MSI2: variants seen among roughly 807,000 people sequenced by gnomAD.
MSI2 encodes RNA-binding protein Musashi homolog 2.
In MSI2, 17 loss-of-function variants were observed where a neutral mutation model predicts 45.6. The ratio of observed to expected loss-of-function variants is 0.37; its 90% CI spans 0.26 to 0.56. MSI2 has a LOEUF of 0.56. MSI2 is among the 20% of genes least tolerant of loss of function. The pLI is 0.77. For synonymous variants in MSI2, 156 were observed against 158.2 expected (o/e 0.99, Z 0.11); for missense variants, 293 against 444.2 (o/e 0.66, Z 3.06).
At chr17:57,644,793 C>G (rs1454137667) in intron 10 of MSI2, among the ~76,000 whole-genome samples, 1 of 152,046 alleles carries the variant, frequency 6.6e-6, no homozygotes, top group Non-Finnish European at 1.5e-5. Context: ...ATGCATATTA[C>G]AAAAGAGTCT....
At chr17:57,348,611 G>A (rs1038576752) in intron 5 of MSI2, among the ~76,000 whole-genome samples, 1 of 151,886 alleles carries the variant, frequency 6.6e-6, no homozygotes, top group Non-Finnish European at 1.5e-5. Flanking sequence ...TGATACATTG[G>A]CTCCCCTTCC....
chr17:57,699,382 G>T, the MSI2 span, among the ~76,000 whole-genome samples: 1 of 151,172 alleles, frequency 6.6e-6, no homozygotes, highest in Non-Finnish European at 1.5e-5. Flanking sequence ...AATCAGAATT[G>T]CATTGGTAAG....
chr17:57,679,913 G>A lies in MSI2; in HGVS notation c.*396G>A, dbSNP rs1348459089. On this transcript the variant is annotated 3_prime_UTR_variant, in exon 14 of 14. Transcript: ENST00000284073. The stretch of plus-strand genomic sequence containing the variant: ...AATATCTAGTTCAAAGCTAACCATA[G>A]TATAATTGTTATATTAAGGAGTTAT... 1 of 229,110 alleles carries A rather than the reference G, an allele frequency of 4.4e-6. No homozygotes were observed. The highest frequency in any genetic ancestry group is 8.6e-6 in the Non-Finnish European group (1 of 115,828). The allele number at this position is 229,110 out of a possible 1,614,324, so 14.2% of individuals were successfully genotyped here.
intron 9 of MSI2, among the ~76,000 whole-genome samples, chr17:57,620,113 G>A (rs1908150452): frequency 2.0e-5 from 3 of 152,214 alleles, no homozygotes; most frequent in Admixed American, 2.0e-4. Flanking sequence ...CAGGGCTCCA[G>A]CAAGGGAGGC....
At chr17:57,446,531 C>T (rs970149290) in intron 6 of MSI2, among the ~76,000 whole-genome samples, 15 of 152,198 alleles carry the variant, frequency 9.9e-5, no homozygotes, top group Admixed American at 8.5e-4. Context: ...GTGCCAAGCA[C>T]GTAGAATAGG....
At chr17:57,569,529 A>G (rs918211339) in intron 7 of MSI2, among the ~76,000 whole-genome samples, 2 of 152,220 alleles carry the variant, frequency 1.3e-5, no homozygotes, top group Non-Finnish European at 2.9e-5. Context: ...GAGGCTCCAA[A>G]ACAGGGCACC....
chr17:57,410,809 G>C (rs748965973), intron 6 of MSI2, among the ~76,000 whole-genome samples: 5 of 152,084 alleles, frequency 3.3e-5, no homozygotes, highest in Non-Finnish European at 7.4e-5. Flanking sequence ...ACAATTTAAG[G>C]TGTTTTTCAC....
intron 5 of MSI2, among the ~76,000 whole-genome samples, chr17:57,295,992 CTTTTTTTTTTTTTTTTTTT>C (rs386386327): frequency 1.0e-4 from 4 of 38,624 alleles, no homozygotes; most frequent in Non-Finnish European, 1.6e-4. Context: ...CGCAGCCTTC[CTTTTTTTTTTTTTTTTTTT>C]TTTTTTTTTT....
Position 57,627,563 on chromosome 17 carries a change from C to T in MSI2, c.727+260C>T. The stretch of plus-strand genomic sequence containing the variant: ...GGAAAGCAGAACGGAGGCAGGAGGC[C>T]TCCCTGTGCTCACCTCCTTTTTCTG... On this transcript the variant is annotated intron_variant, in intron 10 of 13. Coordinates refer to ENST00000284073, the MANE Select transcript of MSI2 (RefSeq NM_138962.4). This position sits in a 1 kb window ranked among gnomAD's most constrained non-coding sequence, Gnocchi z 4.6. 9.4e-6 allele frequency: 5 copies of T among 533,882 alleles called. No homozygotes were observed. In the South Asian group the frequency reaches 1.2e-4, roughly 13 times the overall value. The allele number at this position is 533,882 out of a possible 1,614,324, so 33.1% of individuals were successfully genotyped here.
intron 7 of MSI2, among the ~76,000 whole-genome samples, chr17:57,567,715 C>T (rs1022267932): frequency 1.3e-5 from 2 of 152,178 alleles, no homozygotes; most frequent in Non-Finnish European, 2.9e-5. Flanking sequence ...CGGGGGTCTT[C>T]CTGGTGGATG....
At chr17:57,293,247 G>T (rs374648776) in intron 5 of MSI2, among the ~76,000 whole-genome samples, 4 of 152,140 alleles carry the variant, frequency 2.6e-5, no homozygotes, top group African/African-American at 9.7e-5. Flanking sequence ...GAGACTCAGG[G>T]CCCTACTGTT....
In MSI2 at chr17:57,377,209, C is replaced by T. The variant is rs527828250; in HGVS notation, c.313-24170C>T. Among the ~76,000 whole-genome samples the T allele has an allele frequency of 4.6e-5, 7 of 152,274 alleles. No individual in the cohort carries two copies. The South Asian group carries it at 1.2e-3, about 27-fold the overall frequency. On this transcript the variant is annotated intron_variant, in intron 5 of 13. Coordinates refer to ENST00000284073, the MANE Select transcript of MSI2 (RefSeq NM_138962.4). Reference sequence around the variant, plus strand: ...TGCTGGGACCACAGGCGTGAGCCACCGTGCCCGGCCCACAAATACTTTTTT... The same window carrying T: ...TGCTGGGACCACAGGCGTGAGCCACTGTGCCCGGCCCACAAATACTTTTTT...
intron 6 of MSI2, chr17:57,449,887 G>A (rs1324195058): frequency 6.6e-6 from 1 of 152,118 alleles, no homozygotes; most frequent in Non-Finnish European, 1.5e-5. Context: ...TTAGCTGGGT[G>A]TGGTGGCACG....
intron 7 of MSI2, among the ~76,000 whole-genome samples, chr17:57,578,307 G>A (rs1487084627): frequency 6.6e-6 from 1 of 152,206 alleles, no homozygotes; most frequent in Non-Finnish European, 1.5e-5. Context: ...GTTAGGGGAC[G>A]TATGAAATGG....
At chr17:57,450,672 A>C (rs2085001235) in intron 6 of MSI2, among the ~76,000 whole-genome samples, 1 of 50,860 alleles carries the variant, frequency 2.0e-5, no homozygotes. Context: ...CTGCATCTCA[A>C]AAAAAAAAAA....
At chr17:57,414,001 G>C (rs990383603) in intron 6 of MSI2, among the ~76,000 whole-genome samples, 7 of 151,998 alleles carry the variant, frequency 4.6e-5, no homozygotes, top group African/African-American at 1.7e-4. Context: ...GAGTGGAACA[G>C]ACAAGATCCT....
intron 8 of MSI2, among the ~76,000 whole-genome samples, chr17:57,609,700 G>A (rs1907037207): frequency 6.6e-6 from 1 of 152,234 alleles, no homozygotes; most frequent in Non-Finnish European, 1.5e-5. Flanking sequence ...AAGATGCCAG[G>A]GCAGTGAGCT....
At chr17:57,471,880 A>AGAGGG (rs2085444346) in intron 6 of MSI2, among the ~76,000 whole-genome samples, 1 of 151,804 alleles carries the variant, frequency 6.6e-6, no homozygotes, top group African/African-American at 2.4e-5. Context: ...AGAGGAGAGG[A>AGAGGG]GAGGGGAGGG....
At chr17:57,373,568 C>T (rs995300139) in intron 5 of MSI2, among the ~76,000 whole-genome samples, 10 of 152,186 alleles carry the variant, frequency 6.6e-5, no homozygotes, top group East Asian at 5.8e-4. Flanking sequence ...AGGAGATACA[C>T]GGAAACCTCT....
Sources: allele counts gnomAD v4.1 joint callset (sites outside exome capture counted in the v4.1 genomes callset), GRCh38; gene constraint gnomAD v4.1.1; non-coding constraint Gnocchi (gnomAD v3.1); transcripts MANE v1.5; gene names NCBI Gene and HGNC (gene_info 2026-07-23, HGNC 2026-07-21).